The following PIK3C2G variants were observed in gnomAD, a reference collection of about 807,000 sequenced individuals.
PIK3C2G encodes the protein phosphatidylinositol 3-kinase C2 domain-containing subunit gamma.
In PIK3C2G, 168 loss-of-function variants were observed where a neutral mutation model predicts 181.1. The observed-to-expected ratio is 0.93, with a 90% confidence interval of 0.82 to 1.05. The LOEUF (loss-of-function observed/expected upper bound fraction) is 1.05. Ranked by LOEUF, PIK3C2G falls within the 50% of genes least tolerant of loss-of-function variation. The probability of loss-of-function intolerance (pLI) is 0.00; values close to 1 mark genes in which losing one functional copy is unlikely to be tolerated. For missense variants in PIK3C2G, 1,869 were observed against 1,732.8 expected (o/e 1.08, Z -1.40); for synonymous variants, 573 against 592.2 (o/e 0.97, Z 0.47).
the PIK3C2G span, among the ~76,000 whole-genome samples, chr12:18,710,791 C>T: frequency 6.6e-6 from 1 of 152,152 alleles, no homozygotes; most frequent in South Asian, 2.1e-4. Flanking sequence ...AAATGCTCAT[C>T]ATCACTGGCC....
intron 18 of PIK3C2G, among the ~76,000 whole-genome samples, chr12:18,484,368 G>C (rs1309910871): frequency 6.6e-6 from 1 of 152,186 alleles, no homozygotes. Flanking sequence ...TATAAACCAA[G>C]TCAGTTTCAT....
intron 5 of PIK3C2G, among the ~76,000 whole-genome samples, chr12:18,302,943 C>G (rs1415464977): frequency 6.6e-6 from 1 of 151,886 alleles, no homozygotes; most frequent in African/African-American, 2.4e-5. Flanking sequence ...AGGGTGATTC[C>G]CAGGGTCCCA....
At chr12:18,421,154 C>T in intron 17 of PIK3C2G, 120 bp downstream of exon 17, 2 of 495,036 alleles carry the variant, frequency 4.0e-6, no homozygotes, top group South Asian at 4.0e-5. Flanking sequence ...ACCCAAGGGA[C>T]TAAATGATGT....
rs138710946 is a variant in PIK3C2G, at chr12:18,387,754, T to C, written c.1996-3368T>C. On this transcript the variant is annotated intron_variant, in intron 14 of 32. Coordinates refer to ENST00000538779, the MANE Select transcript of PIK3C2G (RefSeq NM_001288772.2). ...ACTGACTGAGTGATCTCTGATGGCA[T>C]TGAAGGTATTATATCACAAACATCT... Among the ~76,000 whole-genome samples the C allele has an allele frequency of 3.5e-4, 53 of 152,326 alleles. No individual in the cohort carries two copies. The East Asian group carries it at 8.5e-3, about 24-fold the overall frequency.
chr12:18,380,099 T>C (rs1348406474), intron 13 of PIK3C2G, among the ~76,000 whole-genome samples: 1 of 152,184 alleles, frequency 6.6e-6, no homozygotes, highest in Non-Finnish European at 1.5e-5. Flanking sequence ...GGAGCGCCTC[T>C]GCCTTCAACA....
chr12:18,426,441 T>C (rs1945821554), intron 18 of PIK3C2G, among the ~76,000 whole-genome samples: 2 of 152,182 alleles, frequency 1.3e-5, no homozygotes, highest in African/African-American at 4.8e-5. Context: ...TATCCTATTA[T>C]CACCTACACT....
At chr12:18,507,565 A>G (rs1941914674) in intron 24 of PIK3C2G, among the ~76,000 whole-genome samples, 1 of 152,190 alleles carries the variant, frequency 6.6e-6, no homozygotes, top group South Asian at 2.1e-4. Flanking sequence ...TGAGGGACAA[A>G]TGTCAATTAA....
the PIK3C2G span, chr12:18,683,382 A>G: frequency 1.3e-6 from 2 of 1,557,132 alleles, no homozygotes; most frequent in East Asian, 2.3e-5. Flanking sequence ...GGTGTCTCCA[A>G]TAGCCTTGCT....
chr12:18,462,278 C>T (rs1947959603), intron 18 of PIK3C2G, among the ~76,000 whole-genome samples: 1 of 152,068 alleles, frequency 6.6e-6, no homozygotes, highest in Non-Finnish European at 1.5e-5. Context: ...AAATTTAATT[C>T]CAATATTAAA....
At chr12:18,424,112 C>A in intron 18 of PIK3C2G, 73 bp downstream of exon 18, 1 of 852,038 alleles carries the variant, frequency 1.2e-6, no homozygotes, top group South Asian at 1.4e-5. Flanking sequence ...TTAGAGGAAG[C>A]AGAATATTTC....
intron 30 of PIK3C2G, among the ~76,000 whole-genome samples, chr12:18,599,848 A>T (rs1030879513): frequency 6.6e-6 from 1 of 151,950 alleles, no homozygotes; most frequent in Non-Finnish European, 1.5e-5. Context: ...AAAGCATTGA[A>T]TTAAATAAGA....
At chr12:18,629,959 A>G (rs1175281639) in intron 31 of PIK3C2G, among the ~76,000 whole-genome samples, 4 of 152,188 alleles carry the variant, frequency 2.6e-5, no homozygotes, top group Non-Finnish European at 5.9e-5. Flanking sequence ...ACTCTGAAGT[A>G]CTTTCAAAGA....
chr12:18,437,133 TAATGG>T (rs1442824370), intron 18 of PIK3C2G, among the ~76,000 whole-genome samples: 2 of 151,934 alleles, frequency 1.3e-5, no homozygotes, highest in Non-Finnish European at 2.9e-5. Context: ...TTGTATTAGT[TAATGG>T]ATAAGGCTTT....
At chr12:18,645,204 C>A (rs1033770617) in intron 32 of PIK3C2G, among the ~76,000 whole-genome samples, 1 of 151,866 alleles carries the variant, frequency 6.6e-6, no homozygotes, top group Admixed American at 6.6e-5. Context: ...TATATTAAAT[C>A]CTTTGACGAA....
rs1278313288 is a variant in PIK3C2G, at chr12:18,313,029, T to C, written c.1035-933T>C. 3.9e-5 allele frequency among the ~76,000 whole-genome samples: 6 copies of C among 152,102 alleles called. No individual in the cohort carries two copies. The East Asian group carries it at 9.6e-4, about 24-fold the overall frequency. On this transcript the variant is annotated intron_variant, in intron 5 of 32. Coordinates refer to ENST00000538779, the MANE Select transcript of PIK3C2G (RefSeq NM_001288772.2). ...TCTTAAGGATTACAAGTATCTAATA[T>C]ACTTTTTTCCTCCTGAAATCCTTCA...
Position 18,419,651 on chromosome 12 carries a change from CGTT to C in PIK3C2G, c.2316-1288_2316-1286del, listed in dbSNP as rs577233771. On this transcript the variant is annotated intron_variant, in intron 16 of 32. Transcript: ENST00000538779. ...CTGGACCGCAGTTCTCAGTAGGTCT[CGTT>C]GCTAGAATGTTCAACAGGAGAAAAA... 2.0e-4 allele frequency among the ~76,000 whole-genome samples: 31 copies of C among 152,266 alleles called. No individual in the cohort carries two copies. In the East Asian group the frequency reaches 6.0e-3, roughly 29 times the overall value.
chr12:18,311,646 A>G (rs1950642757), intron 5 of PIK3C2G, among the ~76,000 whole-genome samples: 1 of 152,084 alleles, frequency 6.6e-6, no homozygotes, highest in African/African-American at 2.4e-5. Context: ...GTAAATATGT[A>G]TCAAATACTA....
chr12:18,558,329 A>G (rs920946371), intron 26 of PIK3C2G, among the ~76,000 whole-genome samples: 13 of 152,312 alleles, frequency 8.5e-5, no homozygotes, highest in African/African-American at 2.6e-4. Context: ...CCATTTAAAA[A>G]TATGATTTAA....
At chr12:18,454,535 G>T (rs921372757) in intron 18 of PIK3C2G, among the ~76,000 whole-genome samples, 3 of 152,126 alleles carry the variant, frequency 2.0e-5, no homozygotes, top group Non-Finnish European at 2.9e-5. Flanking sequence ...ATCATGCAGG[G>T]TCTTGTGGTT....
Sources: allele counts gnomAD v4.1 joint callset (sites outside exome capture counted in the v4.1 genomes callset), GRCh38; gene constraint gnomAD v4.1.1; transcripts MANE v1.5; gene names NCBI Gene and HGNC (gene_info 2026-07-23, HGNC 2026-07-21).